Variants in WDR64 observed in about 807,000 individuals in gnomAD.
WDR64 encodes the protein WD repeat-containing protein 64.
In WDR64, 112 loss-of-function variants were observed where a neutral mutation model predicts 139.3. That is an observed-to-expected ratio of 0.80 (90% confidence interval 0.69 to 0.94). The LOEUF is 0.94. Among genes scored for constraint, WDR64 ranks in the 40% least tolerant of loss-of-function variants. The pLI, the probability that WDR64 is intolerant of heterozygous loss-of-function variation, is 0.00. For missense variants in WDR64, 1,206 were observed against 1,293.1 expected, an observed-to-expected ratio of 0.93 and a Z score of 1.03; for synonymous variants, 444 against 437.7, an observed-to-expected ratio of 1.01 and a Z score of -0.18.
intron 9 of WDR64, among the ~76,000 whole-genome samples, 160 bp downstream of exon 9, chr1:241,712,041 T>A (rs1309582633): frequency 3.9e-5 from 6 of 152,242 alleles, no homozygotes. Flanking sequence ...GATAACATAC[T>A]TAGAAAAGCC....
intron 8 of WDR64, among the ~76,000 whole-genome samples, chr1:241,705,033 G>A (rs1449850005): frequency 6.6e-6 from 1 of 152,128 alleles, no homozygotes; most frequent in Non-Finnish European, 1.5e-5. Flanking sequence ...TGGCGGTTGG[G>A]GCGAGAGCTT....
intron 9 of WDR64, among the ~76,000 whole-genome samples, chr1:241,721,705 G>C (rs776312133): frequency 7.2e-5 from 11 of 152,036 alleles, no homozygotes; most frequent in Non-Finnish European, 1.5e-4. Context: ...GACATTTAAA[G>C]AACTATTTGT....
intron 8 of WDR64, among the ~76,000 whole-genome samples, chr1:241,697,988 C>A (rs1667562317): frequency 6.6e-6 from 1 of 152,146 alleles, no homozygotes; most frequent in Admixed American, 6.5e-5. Flanking sequence ...CCTTAGCCAA[C>A]TTTTCTTCTT....
At chr1:241,737,632 A>G (rs1227379029) in intron 10 of WDR64, among the ~76,000 whole-genome samples, 1 of 152,226 alleles carries the variant, frequency 6.6e-6, no homozygotes, top group Non-Finnish European at 1.5e-5. Flanking sequence ...CTGAAATTCA[A>G]TAACACCACT....
chr1:241,679,649 T>A, intron 6 of WDR64, 54 bp downstream of exon 6: 1 of 1,435,162 alleles, frequency 7.0e-7, no homozygotes, highest in East Asian at 2.5e-5. Context: ...TCAGTAGTGG[T>A]ACGATATGAG....
intron 17 of WDR64, 175 bp from the exon 18 acceptor site, chr1:241,770,446 A>C (rs1430627302): frequency 1.9e-6 from 1 of 529,024 alleles, no homozygotes; most frequent in African/African-American, 2.0e-5. Flanking sequence ...CACCAATATC[A>C]TACTGGTCAA....
intron 21 of WDR64, among the ~76,000 whole-genome samples, chr1:241,775,578 GA>G (rs376739062): frequency 0.17 from 26,351 of 151,802 alleles, 2,669 homozygotes; most frequent in African/African-American, 0.26. Context: ...ATAAATTAGA[GA>G]AAAAAAATGA....
intron 8 of WDR64, among the ~76,000 whole-genome samples, chr1:241,709,524 G>A (rs1668082381): frequency 6.6e-6 from 1 of 152,116 alleles, no homozygotes; most frequent in African/African-American, 2.4e-5. Context: ...TGAGGCAGGA[G>A]GATCGCTTGA....
At chr1:241,735,841 C>G (rs1448191365) in intron 10 of WDR64, among the ~76,000 whole-genome samples, 1 of 114,992 alleles carries the variant, frequency 8.7e-6, no homozygotes. Flanking sequence ...CTCTCTCTCT[C>G]TCTCTCTCTC....
Position 241,687,597 on chromosome 1 carries a change from TA to T in WDR64, c.974+4del. The T allele has an allele frequency of 1.9e-6, 3 of 1,610,572 alleles. No individual in the cohort carries two copies. The highest frequency in any genetic ancestry group is 2.5e-6 in the Non-Finnish European group (3 of 1,178,060). ...CTTGAAGAGACTCGAGGATAATTTG[TA>T]AGTATAGTAATTTATATACATGAAC... On this transcript the variant is annotated splice_donor_region_variant and intron_variant, in intron 8 of 27. Transcript: ENST00000437684.
intron 15 of WDR64, among the ~76,000 whole-genome samples, chr1:241,760,332 T>C (rs1246744935): frequency 6.7e-6 from 1 of 149,630 alleles, no homozygotes; most frequent in African/African-American, 2.4e-5. Flanking sequence ...CAAATAGCCA[T>C]ATATATATAT....
intron 27 of WDR64, among the ~76,000 whole-genome samples, chr1:241,800,492 C>A (rs1404972964): frequency 6.6e-6 from 1 of 152,038 alleles, no homozygotes; most frequent in East Asian, 1.9e-4. Flanking sequence ...GCAAAACAAA[C>A]TTTTATTAGC....
chr1:241,674,596 C>T (rs1666392779), intron 3 of WDR64, 48 bp from the exon 4 acceptor site: 1 of 1,263,170 alleles, frequency 7.9e-7, no homozygotes, highest in Non-Finnish European at 1.1e-6. Flanking sequence ...AAATGAGTTT[C>T]AGCACCTTTA....
chr1:241,796,322 A>G lies in WDR64; in HGVS notation c.3144A>G (p.Ser1048=). ...LIGVEAQKDS[S]DGITGKKKGG... ...GCGTAGAAGCCCAAAAGGACTCTTC[A>G]GATGGCATTACAGGAAAGAAGAAGG... Residue 1048 remains serine (S), a synonymous_variant, in exon 27 of 28, where the codon TCA becomes TCG. Coordinates refer to ENST00000437684, the MANE Select transcript of WDR64 (RefSeq NM_001367482.1). 6.2e-7 allele frequency: 1 copy of G among 1,614,004 alleles called. No individual in the cohort carries two copies. The highest frequency in any genetic ancestry group is 8.5e-7 in the Non-Finnish European group (1 of 1,179,936).
intron 3 of WDR64, 86 bp downstream of exon 3, chr1:241,671,262 CT>C: frequency 1.0e-6 from 1 of 961,638 alleles, no homozygotes; most frequent in East Asian, 2.6e-5. Flanking sequence ...CATAGAATCA[CT>C]TTTCATTTTA....
At chr1:241,754,247 C>CT (rs1185315764) in intron 14 of WDR64, among the ~76,000 whole-genome samples, 2 of 148,732 alleles carry the variant, frequency 1.3e-5, no homozygotes, top group African/African-American at 2.5e-5. Context: ...TATTTAGTAT[C>CT]TTTTTTTATA....
At chr1:241,736,747 A>G (rs1669342737) in intron 10 of WDR64, among the ~76,000 whole-genome samples, 1 of 152,230 alleles carries the variant, frequency 6.6e-6, no homozygotes, top group African/African-American at 2.4e-5. Context: ...ATAACTCTAT[A>G]GAGAACATCA....
intron 27 of WDR64, among the ~76,000 whole-genome samples, chr1:241,800,414 A>T (rs1342867): frequency 0.83 from 126,309 of 152,212 alleles, 52,875 homozygotes; most frequent in East Asian, 1. Context: ...GGTTGAACAT[A>T]ACTGATATGA....
At chr1:241,764,336 G>A (rs1231952276) in intron 15 of WDR64, among the ~76,000 whole-genome samples, 1 of 152,074 alleles carries the variant, frequency 6.6e-6, no homozygotes, top group Non-Finnish European at 1.5e-5. Context: ...TCAGGCAACA[G>A]GCTACTTCCT....
Sources: allele counts gnomAD v4.1 joint callset (sites outside exome capture counted in the v4.1 genomes callset), GRCh38; gene constraint gnomAD v4.1.1; transcripts MANE v1.5; gene names NCBI Gene and HGNC (gene_info 2026-07-23, HGNC 2026-07-21).